NKAIN2: variants seen among roughly 807,000 people sequenced by gnomAD.
NKAIN2 encodes sodium/potassium-transporting ATPase subunit beta-1-interacting protein 2.
NKAIN2 carries 14 observed loss-of-function variants against 32.6 expected under a neutral mutation model. That is an observed-to-expected ratio of 0.43 (90% CI 0.28 to 0.67). The LOEUF is 0.67. Among genes scored for constraint, NKAIN2 ranks in the 30% least tolerant of loss-of-function variants. The pLI is 0.17. For missense variants in NKAIN2, 198 were observed against 258.3 expected, an observed-to-expected ratio of 0.77 and a Z score of 1.60; for synonymous variants, 80 against 87.2, an observed-to-expected ratio of 0.92 and a Z score of 0.46.
At chr6:124,085,720 A>G (rs1038867272) in intron 1 of NKAIN2, among the ~76,000 whole-genome samples, 4 of 152,032 alleles carry the variant, frequency 2.6e-5, no homozygotes, top group African/African-American at 4.8e-5. Context: ...ATAAGCAAGT[A>G]TTCCTGCCCT....
At chr6:124,217,202 T>A (rs1242573811) in intron 1 of NKAIN2, among the ~76,000 whole-genome samples, 1 of 152,108 alleles carries the variant, frequency 6.6e-6, no homozygotes, top group Non-Finnish European at 1.5e-5. Context: ...TTGAAAGTGG[T>A]GGCCTACAGA....
At chr6:123,963,108 G>A (rs1463372271) in intron 1 of NKAIN2, among the ~76,000 whole-genome samples, 1 of 152,126 alleles carries the variant, frequency 6.6e-6, no homozygotes, top group African/African-American at 2.4e-5. Flanking sequence ...TGGAAACCTC[G>A]AAACTCATAC....
chr6:124,353,154 C>T (rs1159961414), intron 2 of NKAIN2, among the ~76,000 whole-genome samples: 2 of 152,160 alleles, frequency 1.3e-5, no homozygotes, highest in East Asian at 1.9e-4. Context: ...CATTGACTTA[C>T]AAAACATTGT....
At chr6:124,654,016 A>G (rs1435940051) in intron 3 of NKAIN2, among the ~76,000 whole-genome samples, 2 of 152,176 alleles carry the variant, frequency 1.3e-5, no homozygotes, top group African/African-American at 2.4e-5. Flanking sequence ...ACCAAATTTT[A>G]GAGAAAATTA....
chr6:124,103,936 A>C (rs1785003589), intron 1 of NKAIN2, among the ~76,000 whole-genome samples: 1 of 152,054 alleles, frequency 6.6e-6, no homozygotes, highest in South Asian at 2.1e-4. Flanking sequence ...AAATACAAAA[A>C]ATTAGCTAGG....
At chr6:124,090,918 C>T (rs1270774386) in intron 1 of NKAIN2, among the ~76,000 whole-genome samples, 1 of 151,892 alleles carries the variant, frequency 6.6e-6, no homozygotes, top group Non-Finnish European at 1.5e-5. Flanking sequence ...CCATAGGAAG[C>T]TATATATAAA....
chr6:124,426,399 C>T (rs902146289), intron 3 of NKAIN2, among the ~76,000 whole-genome samples: 1 of 152,012 alleles, frequency 6.6e-6, no homozygotes, highest in African/African-American at 2.4e-5. Flanking sequence ...AAATAAAATC[C>T]ACAGGATAGG....
chr6:123,942,269 A>G, intron 1 of NKAIN2, among the ~76,000 whole-genome samples: 1 of 152,030 alleles, frequency 6.6e-6, no homozygotes. Context: ...GAATAATCAA[A>G]TGAATGACTA....
chr6:124,356,971 G>A (rs1799014573), intron 3 of NKAIN2, among the ~76,000 whole-genome samples: 1 of 152,060 alleles, frequency 6.6e-6, no homozygotes, highest in South Asian at 2.1e-4. Context: ...AGCAAAGCTG[G>A]CTGCACAAAA....
chr6:124,460,909 C>G (rs1218238954), intron 3 of NKAIN2, among the ~76,000 whole-genome samples: 1 of 151,322 alleles, frequency 6.6e-6, no homozygotes, highest in Non-Finnish European at 1.5e-5. Context: ...TATTTCCCCC[C>G]CTTTTAATTT....
intron 1 of NKAIN2, among the ~76,000 whole-genome samples, chr6:124,100,436 A>G (rs1009691965): frequency 3.9e-5 from 6 of 152,208 alleles, no homozygotes; most frequent in African/African-American, 1.2e-4. Context: ...TGAATTTAAC[A>G]TTTATTTAAT....
At chr6:124,376,885 TA>T (rs1205892708) in intron 3 of NKAIN2, among the ~76,000 whole-genome samples, 1 of 152,156 alleles carries the variant, frequency 6.6e-6, no homozygotes, top group Admixed American at 6.5e-5. Context: ...ACGTTTCCTT[TA>T]AAATTGATCT....
Position 124,344,719 on chromosome 6 carries a change from A to T in NKAIN2, c.193-10548A>T, listed in dbSNP as rs1310949537. ...CTTTGCTGAAGTTGCTTATGAGCTT[A>T]AGGAGATTTTGGGCTGAGACAATGG... On this transcript the variant is annotated intron_variant, in intron 2 of 6. Coordinates refer to ENST00000368417, the MANE Select transcript of NKAIN2 (RefSeq NM_001040214.3). Among the ~76,000 whole-genome samples the T allele has an allele frequency of 5.9e-5, 9 of 152,276 alleles. No individual in the cohort carries two copies. The East Asian group carries it at 1.7e-3, about 29-fold the overall frequency.
At chr6:124,399,429 A>G (rs963462289) in intron 3 of NKAIN2, among the ~76,000 whole-genome samples, 2 of 152,166 alleles carry the variant, frequency 1.3e-5, no homozygotes, top group African/African-American at 2.4e-5. Flanking sequence ...GCCCCACAAC[A>G]TCTACAGGCT....
chr6:124,304,733 G>A (rs146735274), intron 2 of NKAIN2, among the ~76,000 whole-genome samples: 3,667 of 151,704 alleles, frequency 0.024, 141 homozygotes, highest in African/African-American at 0.084. Flanking sequence ...GGCCAACATG[G>A]TGAAACCCCA....
At chr6:124,210,046 C>T (rs1039539119) in intron 1 of NKAIN2, among the ~76,000 whole-genome samples, 1 of 151,280 alleles carries the variant, frequency 6.6e-6, no homozygotes, top group African/African-American at 2.4e-5. Context: ...AAAGTGTTTC[C>T]CTGATGTTTT....
intron 1 of NKAIN2, among the ~76,000 whole-genome samples, chr6:123,829,556 A>T (rs1774290544): frequency 6.6e-6 from 1 of 152,100 alleles, no homozygotes; most frequent in South Asian, 2.1e-4. Context: ...AGGCTTGTGG[A>T]CTTTTGCTTG....
chr6:123,855,734 A>C (rs2114967426), intron 1 of NKAIN2, among the ~76,000 whole-genome samples: 1 of 152,324 alleles, frequency 6.6e-6, no homozygotes, highest in Non-Finnish European at 1.5e-5. Context: ...CTATTTGTGT[A>C]TCCTGCATAT....
At chr6:124,759,065 G>A (rs1469182451) in intron 4 of NKAIN2, among the ~76,000 whole-genome samples, 3 of 151,968 alleles carry the variant, frequency 2.0e-5, no homozygotes, top group Admixed American at 6.6e-5. Context: ...CACATGTATT[G>A]TACTTTGTAT....
Sources: allele counts gnomAD v4.1 joint callset (sites outside exome capture counted in the v4.1 genomes callset), GRCh38; gene constraint gnomAD v4.1.1; transcripts MANE v1.5; gene names NCBI Gene and HGNC (gene_info 2026-07-23, HGNC 2026-07-21).